Variants in C11orf97 observed in about 807,000 individuals in gnomAD.
The protein encoded by C11orf97 is chromosome 11 open reading frame 97, also known as uncharacterized protein C11orf97.
A neutral mutation model predicts 16.2 loss-of-function variants in C11orf97; 15 were observed. That is an observed-to-expected ratio of 0.93 (90% CI 0.62 to 1.43). C11orf97 has a LOEUF of 1.43. Ranked by LOEUF, C11orf97 falls within the 40% of genes most tolerant of loss-of-function variation. The pLI is 0.00. For missense variants in C11orf97, 171 were observed against 161.2 expected (o/e 1.06, Z -0.33); for synonymous variants, 61 against 65.7 (o/e 0.93, Z 0.34).
Position 94,528,115 on chromosome 11 carries a change from G to T in C11orf97, c.282G>T (p.Arg94Ser). The T allele has an allele frequency of 2.0e-6, 3 of 1,535,434 alleles. No homozygotes were observed. Among genetic ancestry groups the T allele is most frequent in the South Asian group, 1.2e-5 (1 of 83,978 alleles). ...VALEGIWSIK[R>S]NLPVGGLKPG... is the part of the protein sequence containing the mutation. ...TGGAAGGGATTTGGAGCATTAAAAG[G>T]AATCTGCCTGTGGGAGGCTTGAAGC... is the stretch of plus-strand genomic sequence containing the variant. Residue 94 changes from arginine to serine, a missense_variant, in exon 3 of 4, where the codon AGG becomes AGT. Coordinates refer to ENST00000542198, the MANE Select transcript of C11orf97 (RefSeq NM_001190462.2).
intron 2 of C11orf97, among the ~76,000 whole-genome samples, chr11:94,527,112 T>C (rs1237058301): frequency 6.6e-6 from 1 of 152,146 alleles, no homozygotes; most frequent in Non-Finnish European, 1.5e-5. Context: ...ACATAGTGGG[T>C]TAAATAACTT....
At chr11:94,528,804 A>G (rs1354391498) in intron 3 of C11orf97, among the ~76,000 whole-genome samples, 1 of 152,240 alleles carries the variant, frequency 6.6e-6, no homozygotes. Flanking sequence ...ATATGGAAGC[A>G]CAGTGTCCAG....
At chr11:94,527,656 A>G (rs997382030) in intron 2 of C11orf97, among the ~76,000 whole-genome samples, 6 of 152,200 alleles carry the variant, frequency 3.9e-5, no homozygotes, top group African/African-American at 1.2e-4. Flanking sequence ...TCTTGGATCT[A>G]TTGGATGAAT....
At chr11:94,516,741 A>G (rs558079007) in intron 1 of C11orf97, among the ~76,000 whole-genome samples, 8 of 152,336 alleles carry the variant, frequency 5.3e-5, no homozygotes, top group Admixed American at 6.5e-5. Flanking sequence ...TTCCTAAAGA[A>G]CTAATGTTTA....
In C11orf97 at chr11:94,531,909, A is replaced by C; in HGVS notation, c.*9A>C. The C allele has an allele frequency of 6.8e-7, 1 of 1,468,386 alleles. No homozygotes were observed. The highest frequency in any genetic ancestry group is 9.0e-7 in the Non-Finnish European group (1 of 1,112,926). The allele number at this position is 1,468,386 out of a possible 1,614,324, so 91.0% of individuals were successfully genotyped here. On this transcript the variant is annotated 3_prime_UTR_variant, in exon 4 of 4. Coordinates refer to ENST00000542198, the MANE Select transcript of C11orf97 (RefSeq NM_001190462.2). Reference sequence around the variant, plus strand: ...TTTTAACTCTAGGATAAGATGAATTAGATTTTCCATTAAGAAGGAACCTCT... The same window carrying C: ...TTTTAACTCTAGGATAAGATGAATTCGATTTTCCATTAAGAAGGAACCTCT...
intron 2 of C11orf97, among the ~76,000 whole-genome samples, chr11:94,520,771 C>G (rs1565253064): frequency 6.6e-6 from 1 of 152,220 alleles, no homozygotes; most frequent in African/African-American, 2.4e-5. Context: ...CCACCTTTTG[C>G]AGGCCTGGCA....
At chr11:94,531,526 CAAAA>C (rs35270400) in intron 3 of C11orf97, among the ~76,000 whole-genome samples, 3,580 of 92,088 alleles carry the variant, frequency 0.039, 124 homozygotes, top group African/African-American at 0.11. Context: ...CAAAACAAGC[CAAAA>C]AAAAAAAAAA....
At chr11:94,528,290 T>G in intron 3 of C11orf97, 81 bp downstream of exon 3, 1 of 1,243,186 alleles carries the variant, frequency 8.0e-7, no homozygotes, top group South Asian at 1.9e-5. Context: ...TATGCTCTGT[T>G]TAAAGATCTC....
At chr11:94,516,880 A>G (rs1240391651) in intron 1 of C11orf97, among the ~76,000 whole-genome samples, 1 of 152,178 alleles carries the variant, frequency 6.6e-6, no homozygotes, top group Non-Finnish European at 1.5e-5. Flanking sequence ...CTCAGAGAGC[A>G]AGAGAGAGAG....
chr11:94,529,456 G>C (rs927645007), intron 3 of C11orf97, among the ~76,000 whole-genome samples: 1 of 152,204 alleles, frequency 6.6e-6, no homozygotes, highest in African/African-American at 2.4e-5. Context: ...TAATAAAGTA[G>C]TAGTAGCCAC....
intron 1 of C11orf97, among the ~76,000 whole-genome samples, chr11:94,513,948 C>T (rs962131653): frequency 6.6e-6 from 1 of 152,184 alleles, no homozygotes; most frequent in Non-Finnish European, 1.5e-5. Flanking sequence ...GCTGAGATTA[C>T]AGGCACACAC....
At chr11:94,514,474 C>T (rs1947594465) in intron 1 of C11orf97, among the ~76,000 whole-genome samples, 1 of 152,180 alleles carries the variant, frequency 6.6e-6, no homozygotes, top group Admixed American at 6.5e-5. Context: ...TCTTCAGTCT[C>T]TTTACAGCTT....
intron 2 of C11orf97, among the ~76,000 whole-genome samples, chr11:94,526,452 G>A (rs1260212654): frequency 6.6e-6 from 1 of 152,162 alleles, no homozygotes; most frequent in Non-Finnish European, 1.5e-5. Context: ...GCATCTGAAA[G>A]AGCACACTTC....
chr11:94,521,199 G>T (rs1298626159), intron 2 of C11orf97, among the ~76,000 whole-genome samples: 2 of 152,146 alleles, frequency 1.3e-5, no homozygotes, highest in African/African-American at 2.4e-5. Context: ...TCCCTATACT[G>T]CTTTCTTCTT....
At chr11:94,528,231 C>G in intron 3 of C11orf97, 22 bp downstream of exon 3, 4 of 1,525,268 alleles carry the variant, frequency 2.6e-6, no homozygotes, top group Non-Finnish European at 2.6e-6. Context: ...ATGCCCTTGA[C>G]TTCCACTGAA....
At chr11:94,523,283 A>G (rs1378855266) in intron 2 of C11orf97, among the ~76,000 whole-genome samples, 2 of 152,204 alleles carry the variant, frequency 1.3e-5, no homozygotes, top group African/African-American at 4.8e-5. Context: ...AAGCCTGTCT[A>G]AATTCTAGGG....
At position 94,531,990 on chromosome 11, in the gene C11orf97, ATGTGTGC is replaced by A. The variant is rs1279108631; in HGVS notation, c.*91_*97del. 2 of 1,088,964 alleles carry A rather than the reference ATGTGTGC, an allele frequency of 1.8e-6. No homozygotes were observed. Among genetic ancestry groups the A allele is most frequent in the Admixed American group, 3.5e-5 (1 of 28,816 alleles). The allele number at this position is 1,088,964 out of a possible 1,614,324, so 67.5% of individuals were successfully genotyped here. On this transcript the variant is annotated 3_prime_UTR_variant, in exon 4 of 4. Transcript: ENST00000542198. ...ACTCAAGCTTGTTTCAGGATTTAAG[ATGTGTGC>A]AAAAAAATGATAGCCTGTAATTACT...
intron 2 of C11orf97, 129 bp from the exon 3 acceptor site, chr11:94,527,955 T>C: frequency 1.2e-6 from 1 of 816,338 alleles, no homozygotes; most frequent in African/African-American, 1.7e-5. Context: ...TTTGAGTGGT[T>C]TGATTAGTCA....
intron 2 of C11orf97, among the ~76,000 whole-genome samples, chr11:94,519,084 A>G (rs749657698): frequency 7.2e-5 from 11 of 151,844 alleles, no homozygotes; most frequent in Non-Finnish European, 1.0e-4. Flanking sequence ...TAATTTTTGT[A>G]TTTTTAGTAG....
Sources: gnomAD v4.1 joint callset for allele counts (sites outside exome capture counted in the v4.1 genomes callset) on GRCh38, gnomAD v4.1.1 for gene constraint, MANE v1.5 for transcripts, NCBI Gene and HGNC (gene_info 2026-07-23, HGNC 2026-07-21) for gene names.